CORO2B: variants seen among roughly 807,000 people sequenced by gnomAD.
CORO2B encodes the protein coronin-2B.
Under a neutral mutation model 58.8 loss-of-function variants are expected in CORO2B, and 26 were observed. The ratio of observed to expected loss-of-function variants is 0.44; its 90% CI spans 0.32 to 0.61. The LOEUF (loss-of-function observed/expected upper bound fraction) is 0.61, where lower values mean the gene tolerates loss of function less well. Among genes scored for constraint, CORO2B ranks in the 20% least tolerant of loss-of-function variants. The probability of loss-of-function intolerance (pLI) is 0.04; values close to 1 mark genes in which losing one functional copy is unlikely to be tolerated. For missense variants in CORO2B, 460 were observed against 645.1 expected (o/e 0.71, Z 3.11); for synonymous variants, 242 against 253.8 (o/e 0.95, Z 0.44).
In CORO2B at chr15:68,710,003, A is replaced by T. The variant is rs907051852; in HGVS notation, c.334-729A>T. 6.6e-6 allele frequency among the ~76,000 whole-genome samples: 1 copy of T among 152,218 alleles called. No individual in the cohort carries two copies. Among genetic ancestry groups the T allele is most frequent in the African/African-American group, 2.4e-5 (1 of 41,462 alleles). On this transcript the variant is annotated intron_variant, in intron 3 of 11. Coordinates refer to ENST00000261861, the MANE Select transcript of CORO2B (RefSeq NM_006091.5). This position sits in a 1 kb window ranked among gnomAD's most constrained non-coding sequence, Gnocchi z 4.1. ...ATTAAGGGGGTGATTCCAAGACTGCAGAGAAACAGCTCAGTCTCTCCCTGT... is the reference window on the plus strand; with the variant it reads ...ATTAAGGGGGTGATTCCAAGACTGCTGAGAAACAGCTCAGTCTCTCCCTGT...
the CORO2B span, among the ~76,000 whole-genome samples, chr15:68,565,562 A>C: frequency 2.6e-5 from 4 of 151,852 alleles, no homozygotes; most frequent in Admixed American, 6.6e-5. Context: ...AAGCTCAACA[A>C]AACATTTTCT....
At chr15:68,525,688 C>T in the CORO2B span, among the ~76,000 whole-genome samples, 1 of 152,098 alleles carries the variant, frequency 6.6e-6, no homozygotes, top group African/African-American at 2.4e-5. Context: ...ACTTTGTTTA[C>T]AAAATAAGCT....
At chr15:68,672,159 G>GGT (rs60989044) in intron 2 of CORO2B, among the ~76,000 whole-genome samples, 5,461 of 146,262 alleles carry the variant, frequency 0.037, 133 homozygotes, top group East Asian at 0.052. Flanking sequence ...GTAATCGGGA[G>GGT]GTGTGTGTGT....
the CORO2B span, among the ~76,000 whole-genome samples, chr15:68,561,233 A>G: frequency 6.6e-6 from 1 of 152,058 alleles, no homozygotes. Context: ...CTGGGCTGGG[A>G]CAGTGGAAGA....
intron 2 of CORO2B, among the ~76,000 whole-genome samples, 198 bp from the exon 3 acceptor site, chr15:68,694,941 TG>T (rs1892473046): frequency 6.6e-6 from 1 of 152,172 alleles, no homozygotes; most frequent in Non-Finnish European, 1.5e-5. Flanking sequence ...CATTCAGTCT[TG>T]GGGAGGACAC....
chr15:68,585,211 C>T (rs559665350), intron 1 of CORO2B, among the ~76,000 whole-genome samples: 6 of 152,216 alleles, frequency 3.9e-5, no homozygotes, highest in Admixed American at 2.0e-4. Flanking sequence ...TATTTAGGGA[C>T]GGATAAACAG....
chr15:68,544,435 A>G, the CORO2B span, among the ~76,000 whole-genome samples: 6 of 152,156 alleles, frequency 3.9e-5, no homozygotes, highest in Non-Finnish European at 7.3e-5. Context: ...GCCCTCAAAC[A>G]GCCCTGCTTC....
the CORO2B span, among the ~76,000 whole-genome samples, chr15:68,557,164 C>A: frequency 6.6e-6 from 1 of 152,296 alleles, no homozygotes; most frequent in East Asian, 1.9e-4. Flanking sequence ...AACAAATGAC[C>A]CTGCCCTGCC....
chr15:68,532,844 C>T, the CORO2B span, among the ~76,000 whole-genome samples: 1 of 152,174 alleles, frequency 6.6e-6, no homozygotes, highest in Non-Finnish European at 1.5e-5. Context: ...CTGGTAAATG[C>T]CCTGGGCAAT....
At chr15:68,522,841 C>T in the CORO2B span, among the ~76,000 whole-genome samples, 7 of 152,102 alleles carry the variant, frequency 4.6e-5, no homozygotes, top group African/African-American at 9.7e-5. Flanking sequence ...ATTTTTCCTG[C>T]GTGTTTTTCT....
chr15:68,697,000 G>A (rs1028762674), intron 3 of CORO2B, among the ~76,000 whole-genome samples: 6 of 152,216 alleles, frequency 3.9e-5, no homozygotes, highest in African/African-American at 1.4e-4. Flanking sequence ...TGAGCTCCTG[G>A]GAGCAGAGAC....
intron 2 of CORO2B, among the ~76,000 whole-genome samples, chr15:68,691,048 G>A (rs571964204): frequency 2.0e-5 from 3 of 151,652 alleles, no homozygotes; most frequent in Admixed American, 6.6e-5. Flanking sequence ...ACTGGTTTTC[G>A]GCCAGGTGCG....
chr15:68,660,529 C>G (rs1006544063), intron 2 of CORO2B, among the ~76,000 whole-genome samples: 1 of 152,144 alleles, frequency 6.6e-6, no homozygotes, highest in Non-Finnish European at 1.5e-5. Context: ...CACCACCACA[C>G]CTGGCTAATT....
At chr15:68,544,608 C>A in the CORO2B span, among the ~76,000 whole-genome samples, 6 of 152,084 alleles carry the variant, frequency 3.9e-5, no homozygotes, top group East Asian at 1.2e-3. Context: ...GGAAACAATG[C>A]CATTTCAGGG....
chr15:68,572,298 T>C, the CORO2B span, among the ~76,000 whole-genome samples: 2 of 152,116 alleles, frequency 1.3e-5, no homozygotes, highest in Admixed American at 6.5e-5. Context: ...AATCAAAGCA[T>C]GAAATGTCAA....
chr15:68,583,650 C>A (rs1899483740), intron 1 of CORO2B, among the ~76,000 whole-genome samples: 1 of 152,140 alleles, frequency 6.6e-6, no homozygotes, highest in Non-Finnish European at 1.5e-5. Context: ...CCTTGCTATA[C>A]CTACAGTCAG....
At chr15:68,683,570 TC>T (rs1302430464) in intron 2 of CORO2B, among the ~76,000 whole-genome samples, 1 of 151,674 alleles carries the variant, frequency 6.6e-6, no homozygotes, top group East Asian at 1.9e-4. Context: ...GCACCACCCC[TC>T]CCCCCACTGT....
chr15:68,580,099 G>A (rs1405218314), intron 1 of CORO2B, among the ~76,000 whole-genome samples: 1 of 152,260 alleles, frequency 6.6e-6, no homozygotes, highest in Non-Finnish European at 1.5e-5. Flanking sequence ...TGGTCGGGGA[G>A]GGGTCCACTT....
At chr15:68,644,920 T>C (rs1180624135) in intron 1 of CORO2B, among the ~76,000 whole-genome samples, 3 of 152,210 alleles carry the variant, frequency 2.0e-5, no homozygotes, top group Non-Finnish European at 2.9e-5. Flanking sequence ...AAAGCTCCTA[T>C]GCCAATCTTT....
Sources: allele counts gnomAD v4.1 joint callset (sites outside exome capture counted in the v4.1 genomes callset), GRCh38; gene constraint gnomAD v4.1.1; non-coding constraint Gnocchi (gnomAD v3.1); transcripts MANE v1.5; gene names NCBI Gene and HGNC (gene_info 2026-07-23, HGNC 2026-07-21).